The following MLLT10 variants were observed in gnomAD, a reference collection of about 807,000 sequenced individuals.
The protein encoded by MLLT10 is protein AF-10.
MLLT10 carries 30 observed loss-of-function variants against 129.1 expected under a neutral mutation model. The observed-to-expected ratio is 0.23, with a 90% CI of 0.17 to 0.32. The LOEUF (loss-of-function observed/expected upper bound fraction) is 0.32. Ranked by LOEUF, MLLT10 falls within the 10% of genes least tolerant of loss-of-function variation. The pLI is 1.00. For synonymous variants in MLLT10, 490 were observed against 446.4 expected (o/e 1.10, Z -1.23); for missense variants, 1,119 against 1,268.3 (o/e 0.88, Z 1.79).
chr10:21,695,152 C>G (rs2054241928), intron 13 of MLLT10, among the ~76,000 whole-genome samples: 2 of 149,450 alleles, frequency 1.3e-5, no homozygotes, highest in Admixed American at 1.3e-4. Flanking sequence ...TCACTGCAAC[C>G]TCTGCCTTGC....
At chr10:21,688,364 TA>T (rs2053505702) in intron 13 of MLLT10, 3 of 740,198 alleles carry the variant, frequency 4.1e-6, no homozygotes, top group Non-Finnish European at 6.9e-6. Context: ...ATGGGGATTT[TA>T]ACCCTGATGA....
At position 21,553,400 on chromosome 10, in the gene MLLT10, A is replaced by C. The variant is rs544413534; in HGVS notation, c.240+14488A>C. On this transcript the variant is annotated intron_variant, in intron 3 of 22. Coordinates refer to ENST00000307729, the MANE Select transcript of MLLT10 (RefSeq NM_001195626.3). ...GAGTGCAGTGGTGTGATCTCTGCTC[A>C]CTACAACCTCTGCATCCCGGGTTCA... is the stretch of plus-strand genomic sequence containing the variant. 7.4e-5 allele frequency among the ~76,000 whole-genome samples: 11 copies of C among 148,322 alleles called. No individual in the cohort carries two copies. The South Asian group carries it at 2.3e-3, about 31-fold the overall frequency.
chr10:21,611,362 G>C (rs2044637819), intron 5 of MLLT10, among the ~76,000 whole-genome samples: 3 of 143,520 alleles, frequency 2.1e-5, no homozygotes, highest in Admixed American at 1.4e-4. Context: ...TAGATAATTA[G>C]TTTTTTTTTT....
rs1316463779 is a variant in MLLT10, at chr10:21,727,620, A to AAGAAC, written c.1991-229_1991-225dup. On this transcript the variant is annotated intron_variant, in intron 15 of 22. Coordinates refer to ENST00000307729, the MANE Select transcript of MLLT10 (RefSeq NM_001195626.3). The stretch of plus-strand genomic sequence containing the variant: ...TGTGCTGTAAAATTGAAAGGAATGA[A>AAGAAC]AGAACAGAACATAATCCATGGCCTT... Among the ~76,000 whole-genome samples, 31 of 152,328 alleles carry AAGAAC rather than the reference A, an allele frequency of 2.0e-4. 1 individual carries two copies. The highest frequency in any genetic ancestry group is 1.9e-3 in the Admixed American group (29 of 15,304).
chr10:21,561,962 C>T (rs1467740689), intron 3 of MLLT10, among the ~76,000 whole-genome samples: 7 of 152,168 alleles, frequency 4.6e-5, no homozygotes, highest in South Asian at 2.1e-4. Context: ...TGCCCCACCA[C>T]GCTCAGCTAA....
At chr10:21,720,899 A>G (rs1035238908) in intron 14 of MLLT10, among the ~76,000 whole-genome samples, 5 of 152,202 alleles carry the variant, frequency 3.3e-5, no homozygotes, top group Admixed American at 1.3e-4. Flanking sequence ...CAGTGTTCCT[A>G]TGAGGTAGAT....
intron 13 of MLLT10, chr10:21,708,559 T>A: frequency 1.0e-6 from 1 of 984,380 alleles, no homozygotes; most frequent in Non-Finnish European, 1.2e-6. Context: ...TGCTCTGTTT[T>A]TTTTGTGTGT....
chr10:21,683,558 A>G (rs1021865160), intron 13 of MLLT10, among the ~76,000 whole-genome samples: 3 of 152,194 alleles, frequency 2.0e-5, no homozygotes, highest in African/African-American at 7.2e-5. Flanking sequence ...CATGGGAGCA[A>G]TGTAATGGAT....
chr10:21,653,411 G>A (rs1204682683), intron 9 of MLLT10, among the ~76,000 whole-genome samples: 1 of 152,084 alleles, frequency 6.6e-6, no homozygotes, highest in Admixed American at 6.5e-5. Flanking sequence ...GCCTCTTTTT[G>A]TTTCCTTGTG....
At chr10:21,640,227 T>C (rs868510598) in intron 8 of MLLT10, among the ~76,000 whole-genome samples, 10 of 144,222 alleles carry the variant, frequency 6.9e-5, no homozygotes, top group Middle Eastern at 7.2e-3. Context: ...TTATATATTA[T>C]ATATTATGTA....
chr10:21,563,944 C>T (rs1021222234), intron 3 of MLLT10, among the ~76,000 whole-genome samples: 2 of 151,996 alleles, frequency 1.3e-5, no homozygotes. Context: ...TCCCGAGTAG[C>T]TGGGACTACA....
At position 21,735,144 on chromosome 10, in the gene MLLT10, C is replaced by T; in HGVS notation, c.2864C>T (p.Ser955Leu). 2 of 1,612,442 alleles carry T rather than the reference C, an allele frequency of 1.2e-6. No homozygotes were observed. Among genetic ancestry groups the T allele is most frequent in the Non-Finnish European group, 1.7e-6 (2 of 1,179,260 alleles). ...PMPATLTNSA[S>L]GLGLLSDQQR... Reference sequence around the variant, plus strand: ...GAATTGTAATCATTTTTCAGTGCCTCAGGACTAGGATTACTTTCTGACCAG... The same window carrying T: ...GAATTGTAATCATTTTTCAGTGCCTTAGGACTAGGATTACTTTCTGACCAG... Residue 955 changes from serine (S) to leucine (L), a missense_variant, in exon 21 of 23, where the codon TCA (serine) becomes TTA (leucine). By Grantham distance (145) the Ser-to-Leu change is moderately radical. Around this residue, in one of 5 missense-constraint regions of MLLT10, gnomAD observed 1,004 missense variants for 1,008.7 expected, o/e 1.00. Transcript: ENST00000307729.
intron 13 of MLLT10, among the ~76,000 whole-genome samples, chr10:21,707,796 T>G (rs1055387228): frequency 2.0e-5 from 3 of 152,212 alleles, no homozygotes; most frequent in Admixed American, 1.3e-4. Context: ...TCTCTCCAAC[T>G]TTGTCTTTTA....
chr10:21,717,810 T>TCTCCTTCTTCTCCTTCTTCTC (rs2056821791), intron 14 of MLLT10, among the ~76,000 whole-genome samples: 5 of 88,010 alleles, frequency 5.7e-5, no homozygotes, highest in African/African-American at 2.7e-4. Context: ...TCCTTCTTCT[T>TCTCCTTCTTCTCCTTCTTCTC]CTCCTTCTTC....
chr10:21,614,225 C>CAA (rs34546142), intron 6 of MLLT10, among the ~76,000 whole-genome samples: 45 of 81,016 alleles, frequency 5.6e-4, no homozygotes, highest in African/African-American at 1.7e-3. Flanking sequence ...TTTTTTTTTT[C>CAA]AAAAAAAAAA....
rs2055746447 is a variant in MLLT10 at position 21,708,462 on chromosome 10, AG to A, written c.1700-5308del. The A allele has an allele frequency of 8.5e-6, 5 of 585,826 alleles. No homozygotes were observed. In the South Asian group the frequency reaches 3.8e-4, roughly 45 times the overall value. 36.3% of individuals were successfully genotyped at this position (585,826 alleles called of 1,614,324 possible). On this transcript the variant is annotated intron_variant, in intron 13 of 22. Transcript: ENST00000307729. ...TTGTACCAGTCCTACCTGAGGAGCA[AG>A]GAAGTTGAAGGGAATACATTATTTT...
intron 3 of MLLT10, among the ~76,000 whole-genome samples, chr10:21,562,234 AGAAC>A (rs2038909488): frequency 1.3e-5 from 2 of 152,202 alleles, no homozygotes; most frequent in South Asian, 4.1e-4. Context: ...CATGAGTTTT[AGAAC>A]GTATTTTTTT....
chr10:21,709,467 G>A (rs1309382997), intron 13 of MLLT10, among the ~76,000 whole-genome samples: 1 of 152,176 alleles, frequency 6.6e-6, no homozygotes, highest in African/African-American at 2.4e-5. Context: ...CTGACCTCAG[G>A]TGATCCACCT....
intron 21 of MLLT10, among the ~76,000 whole-genome samples, chr10:21,739,218 C>T (rs956447055): frequency 4.1e-4 from 63 of 152,240 alleles, no homozygotes; most frequent in Non-Finnish European, 6.5e-4. Context: ...GCTCTGTGTT[C>T]TCCTCACTTC....
Sources: allele counts gnomAD v4.1 joint callset (sites outside exome capture counted in the v4.1 genomes callset), GRCh38; gene constraint gnomAD v4.1.1; regional missense constraint gnomAD v4.1.1; transcripts MANE v1.5; gene names NCBI Gene and HGNC (gene_info 2026-07-23, HGNC 2026-07-21).